Variants in SCN11A observed in about 807,000 individuals in gnomAD.
SCN11A encodes the protein sodium voltage-gated channel alpha subunit 11, also known as sodium channel protein type 11 subunit alpha.
Under a neutral mutation model 162.2 loss-of-function variants are expected in SCN11A, and 122 were observed. That is an observed-to-expected ratio of 0.75 (90% CI 0.65 to 0.87). SCN11A has a LOEUF of 0.87. Among genes scored for constraint, SCN11A ranks in the 40% least tolerant of loss-of-function variants. SCN11A has a pLI of 0.00. For missense variants in SCN11A, 2,015 were observed against 2,181.6 expected (o/e 0.92, Z 1.52); for synonymous variants, 758 against 751.5 (o/e 1.01, Z -0.14).
intron 9 of SCN11A, among the ~76,000 whole-genome samples, chr3:38,923,575 T>C (rs2066087888): frequency 6.6e-6 from 1 of 152,206 alleles, no homozygotes; most frequent in South Asian, 2.1e-4. Context: ...ACACCATGTA[T>C]ACAATTGATC....
In SCN11A at chr3:38,847,605, CAA is replaced by C; in HGVS notation, c.4463_4464del (p.Phe1488CysfsTer42). 1.9e-6 allele frequency: 3 copies of C among 1,614,146 alleles called. No individual in the cohort carries two copies. The highest frequency in any genetic ancestry group is 2.5e-6 in the Non-Finnish European group (3 of 1,180,022). On this transcript the variant is annotated frameshift_variant, in exon 30 of 30. Transcript: ENST00000302328. LOFTEE classifies it low-confidence loss of function (END_TRUNC). ...AGAGAAGGAAGCGACATCATCAGAG[CAA>C]AGAGGAGAGTCCTGATTCCTCGTGC... is the stretch of plus-strand genomic sequence containing the variant. ...RAARGIRTLL[F>X]ALMMSLPSLF...
intron 7 of SCN11A, among the ~76,000 whole-genome samples, chr3:38,929,993 T>C (rs1282479407): frequency 2.0e-5 from 3 of 152,200 alleles, no homozygotes; most frequent in African/African-American, 4.8e-5. Flanking sequence ...CAACATAAAA[T>C]TGACTAAGAT....
At chr3:38,965,723 T>C (rs1417591043) in intron 2 of SCN11A, among the ~76,000 whole-genome samples, 1 of 151,480 alleles carries the variant, frequency 6.6e-6, no homozygotes, top group Non-Finnish European at 1.5e-5. Flanking sequence ...TATGACAAGG[T>C]GTTTATTGGA....
At chr3:38,975,822 A>AG (rs1276784516) in intron 2 of SCN11A, among the ~76,000 whole-genome samples, 1 of 152,158 alleles carries the variant, frequency 6.6e-6, no homozygotes, top group Non-Finnish European at 1.5e-5. Flanking sequence ...AGGGGCCGGG[A>AG]GGAGGGGAGA....
At chr3:38,864,008 T>C (rs922948422) in intron 27 of SCN11A, among the ~76,000 whole-genome samples, 2 of 152,278 alleles carry the variant, frequency 1.3e-5, no homozygotes, top group South Asian at 2.1e-4. Flanking sequence ...TACTAATCTC[T>C]GTAAACTAGA....
At chr3:38,865,897 A>G (rs1013246263) in intron 27 of SCN11A, among the ~76,000 whole-genome samples, 1 of 152,196 alleles carries the variant, frequency 6.6e-6, no homozygotes, top group Non-Finnish European at 1.5e-5. Context: ...AAAAAAGATA[A>G]TAAATATATA....
At chr3:38,847,891 T>A in intron 29 of SCN11A, 149 bp from the exon 30 acceptor site, 1 of 582,030 alleles carries the variant, frequency 1.7e-6, no homozygotes, top group Admixed American at 3.0e-5. Flanking sequence ...TTTACCACTA[T>A]CAGGGAAAAT....
chr3:38,974,694 CA>C (rs773028321), intron 2 of SCN11A, among the ~76,000 whole-genome samples: 4,717 of 48,034 alleles, frequency 0.098, 142 homozygotes, highest in African/African-American at 0.26. Flanking sequence ...GACTCCGTCT[CA>C]AAAAAAAAAA....
At chr3:38,960,613 G>GT (rs398038749) in intron 2 of SCN11A, among the ~76,000 whole-genome samples, 190 bp from the exon 3 acceptor site, 2,307 of 151,422 alleles carry the variant, frequency 0.015, 18 homozygotes, top group Non-Finnish European at 0.024. Flanking sequence ...ACAGGTTGTT[G>GT]TTTTTTTTTC....
intron 26 of SCN11A, 139 bp from the exon 27 acceptor site, chr3:38,867,597 C>A (rs1282830677): frequency 9.5e-6 from 6 of 633,864 alleles, no homozygotes; most frequent in African/African-American, 1.8e-5. Flanking sequence ...AGCCATAGCC[C>A]CTGTTGGGAG....
intron 7 of SCN11A, among the ~76,000 whole-genome samples, chr3:38,939,482 T>G (rs2066407300): frequency 6.6e-6 from 1 of 152,198 alleles, no homozygotes; most frequent in Admixed American, 6.5e-5. Context: ...AAAAAGCTAT[T>G]AATAAATGAA....
At chr3:38,888,278 T>C (rs1296872808) in intron 19 of SCN11A, among the ~76,000 whole-genome samples, 1 of 152,236 alleles carries the variant, frequency 6.6e-6, no homozygotes, top group Non-Finnish European at 1.5e-5. Context: ...GGATCTGCAA[T>C]ATGACTTGTA....
At chr3:38,925,978 A>T (rs1250529318) in intron 8 of SCN11A, among the ~76,000 whole-genome samples, 4 of 152,250 alleles carry the variant, frequency 2.6e-5, no homozygotes, top group African/African-American at 9.6e-5. Flanking sequence ...TTTGAACTTC[A>T]AATGTAAAAC....
chr3:38,932,711 CAGCCG>C (rs992910160), intron 7 of SCN11A, among the ~76,000 whole-genome samples: 2 of 152,352 alleles, frequency 1.3e-5, no homozygotes, highest in African/African-American at 4.8e-5. Flanking sequence ...GTAAACAAAG[CAGCCG>C]AGAAGCTCCA....
At chr3:39,039,314 C>T (rs2031983233) in intron 1 of SCN11A, among the ~76,000 whole-genome samples, 1 of 152,214 alleles carries the variant, frequency 6.6e-6, no homozygotes, top group South Asian at 2.1e-4. Flanking sequence ...CCCTTTGTTT[C>T]TGAATCTATT....
Position 38,880,036 on chromosome 3 carries a change from G to A in SCN11A, c.3307C>T (p.Leu1103=). 6.2e-7 allele frequency: 1 copy of A among 1,611,162 alleles called. No homozygotes were observed. The part of the protein sequence containing the change: ...TDIIFTHIFI[L]EMVLKWVAFG... ...GCTACCCATTTTAGTACCATCTCCA[G>A]GATAAAAATATGTGTAAAAATAATG... Residue 1103 remains leucine (L), a synonymous_variant, in exon 23 of 30, where the codon CTG becomes TTG. Transcript: ENST00000302328.
intron 2 of SCN11A, among the ~76,000 whole-genome samples, chr3:38,999,240 A>T (rs954354654): frequency 6.6e-6 from 1 of 152,200 alleles, no homozygotes; most frequent in Non-Finnish European, 1.5e-5. Context: ...TTTCTTTTAC[A>T]TGTAACCACT....
intron 28 of SCN11A, among the ~76,000 whole-genome samples, chr3:38,857,193 T>C (rs2064883778): frequency 6.6e-6 from 1 of 152,084 alleles, no homozygotes; most frequent in African/African-American, 2.4e-5. Flanking sequence ...AGAAGATTTA[T>C]TATTAAGCTA....
chr3:38,890,006 T>C (rs1283808932), intron 19 of SCN11A, among the ~76,000 whole-genome samples: 1 of 150,254 alleles, frequency 6.7e-6, no homozygotes, highest in Non-Finnish European at 1.5e-5. Context: ...CTGCAGGCCA[T>C]CAGCATTTCT....
Sources: allele counts gnomAD v4.1 joint callset (sites outside exome capture counted in the v4.1 genomes callset), GRCh38; gene constraint gnomAD v4.1.1; transcripts MANE v1.5; gene names NCBI Gene and HGNC (gene_info 2026-07-23, HGNC 2026-07-21).